Variants in RTEL1 observed in about 807,000 individuals in gnomAD.
RTEL1 encodes regulator of telomere elongation helicase 1.
RTEL1 carries 86 observed loss-of-function variants against 162.2 expected under a neutral mutation model. The observed-to-expected ratio is 0.53, with a 90% confidence interval of 0.45 to 0.63. The LOEUF (loss-of-function observed/expected upper bound fraction) is 0.63, where lower values mean the gene tolerates loss of function less well. Among genes scored for constraint, RTEL1 ranks in the 30% least tolerant of loss-of-function variants. The probability of loss-of-function intolerance (pLI) is 0.00; values close to 1 mark genes in which losing one functional copy is unlikely to be tolerated. For missense variants in RTEL1, 1,941 were observed against 1,750.2 expected (o/e 1.11, Z -1.95); for synonymous variants, 958 against 717.9 (o/e 1.33, Z -5.35).
chr20:63,661,883 C>T lies in RTEL1; in HGVS notation c.335C>T (p.Ala112Val). 1.2e-6 allele frequency: 2 copies of T among 1,614,064 alleles called. No homozygotes were observed. The highest frequency in any genetic ancestry group is 8.5e-7 in the Non-Finnish European group (1 of 1,180,002). ...CYTDIPKIIY[A>V]SRTHSQLTQV... The stretch of plus-strand genomic sequence containing the variant: ...ACGGACATCCCAAAGATTATTTACG[C>T]CTCCAGGACCCACTCGCAACTCACA... The change falls in exon 4 of 35, where the codon GCC (alanine) becomes GTC (valine). Residue 112 changes from alanine to valine, a missense_variant. Transcript: ENST00000360203. This position sits in a 1 kb window ranked among gnomAD's most constrained non-coding sequence, Gnocchi z 5.1.
intron 31 of RTEL1, 42 bp downstream of exon 31, chr20:63,694,530 G>C: frequency 6.8e-7 from 1 of 1,477,534 alleles, no homozygotes; most frequent in South Asian, 1.2e-5. Flanking sequence ...GACTTGGTGG[G>C]TCCCTCAGTG....
intron 26 of RTEL1, 117 bp downstream of exon 26, chr20:63,690,558 C>G (rs2090712765): frequency 7.6e-7 from 1 of 1,314,112 alleles, no homozygotes; most frequent in East Asian, 2.5e-5. Flanking sequence ...CGCTTCCCCT[C>G]CCACCTCCAA....
chr20:63,686,394 CTG>C (rs1452028979), intron 16 of RTEL1: 4 of 168,328 alleles, frequency 2.4e-5, no homozygotes, highest in South Asian at 2.9e-4. Flanking sequence ...TGGATGGGGT[CTG>C]TGAGTGTGCC....
rs145902382 is a variant in RTEL1 at position 63,666,011 on chromosome 20, C to T, written c.546C>T (p.Ser182=). 2.0e-5 allele frequency: 32 copies of T among 1,613,904 alleles called. No individual in the cohort carries two copies. The highest frequency in any genetic ancestry group is 2.7e-5 in the Non-Finnish European group (32 of 1,179,948). The change falls in exon 7 of 35, where the codon AGC becomes AGT. Residue 182 remains serine (S), a synonymous_variant. Coordinates refer to ENST00000360203, the MANE Select transcript of RTEL1 (RefSeq NM_001283009.2). Reference sequence around the variant, plus strand: ...CCTGCCTCACACCTGCAGAAAAAAGCCTGGAGCAGGAGCTGGCCAGCCCCA... The same window carrying T: ...CCTGCCTCACACCTGCAGAAAAAAGTCTGGAGCAGGAGCTGGCCAGCCCCA... ...CHFYNNVEEK[S]LEQELASPIL...
chr20:63,659,618 G>A (rs1432611131), intron 2 of RTEL1, 114 bp downstream of exon 2: 3 of 788,672 alleles, frequency 3.8e-6, no homozygotes, highest in Non-Finnish European at 6.6e-6. Flanking sequence ...CAGAGGCAGC[G>A]TCTGTCATAA....
At chr20:63,667,048 C>T (rs991294385) in intron 7 of RTEL1, among the ~76,000 whole-genome samples, 3 of 149,958 alleles carry the variant, frequency 2.0e-5, no homozygotes, top group East Asian at 2.0e-4. Context: ...ACCGTGTTAG[C>T]CAGGATGGTC....
Position 63,694,672 on chromosome 20 carries a change from C to T in RTEL1, c.3110-69C>T, listed in dbSNP as rs140513230. ...TCTCCAGGAGTTCCTGGAGGAAGGG[C>T]GGGCAGGGCGGTGGGACTCTCAGTC... On this transcript the variant is annotated intron_variant, in intron 31 of 34. Transcript: ENST00000360203. The T allele has an allele frequency of 1.0e-3, 1,405 of 1,377,634 alleles. 6 individuals carry two copies. The highest frequency in any genetic ancestry group is 5.5e-3 in the South Asian group (414 of 75,178). The allele number at this position is 1,377,634 out of a possible 1,614,324, so 85.3% of individuals were successfully genotyped here. A position where few individuals can be genotyped will look rare whatever the true frequency, so the allele number is the denominator to read the frequency against.
At chr20:63,686,222 C>T (rs904827381) in intron 16 of RTEL1, 9 of 350,030 alleles carry the variant, frequency 2.6e-5, no homozygotes, top group Middle Eastern at 8.7e-4. Context: ...GCTGCCTCCA[C>T]GCAGCGCCTG....
At position 63,690,117 on chromosome 20, in the gene RTEL1, G is replaced by A. The variant is rs747160558; in HGVS notation, c.2172G>A (p.Leu724=). The A allele has an allele frequency of 1.4e-5, 22 of 1,612,068 alleles. No homozygotes were observed. The highest frequency in any genetic ancestry group is 2.2e-5 in the East Asian group (1 of 44,888). ...CCTTTGCCGACGCAAGAGCCCAACT[G>A]CCCTCCTGGGTGCGTCCCCACGTCA... ...RFAFADARAQ[L]PSWVRPHVRV... is the part of the protein sequence containing the mutation. The change falls in exon 25 of 35, where the codon CTG becomes CTA. Residue 724 remains leucine (L), a synonymous_variant. Transcript: ENST00000360203.
chr20:63,679,693 TC>T (rs1262377142), intron 12 of RTEL1, among the ~76,000 whole-genome samples, 155 bp from the exon 13 acceptor site: 1 of 151,792 alleles, frequency 6.6e-6, no homozygotes, highest in African/African-American at 2.4e-5. Flanking sequence ...CAGCCTGATT[TC>T]CCCCTCCAGG....
At chr20:63,681,193 C>T in intron 14 of RTEL1, 1 of 985,454 alleles carries the variant, frequency 1.0e-6, no homozygotes, top group South Asian at 4.7e-5. Flanking sequence ...TGGCCCCCTT[C>T]TCATTGGCCC....
Position 63,678,361 on chromosome 20 carries a change from G to A in RTEL1, c.1037+15G>A, listed in dbSNP as rs1237355281. ...AAGCCAGGGAGGTGAGAGGCGGGGA[G>A]CCAGCCCCTTCACTGCAGGCCCAGC... On this transcript the variant is annotated intron_variant, in intron 12 of 34. Transcript: ENST00000360203. 1 of 1,602,578 alleles carries A rather than the reference G, an allele frequency of 6.2e-7. No homozygotes were observed. Among genetic ancestry groups the A allele is most frequent in the African/African-American group, 1.3e-5 (1 of 74,770 alleles).
chr20:63,660,794 A>G, intron 2 of RTEL1: 1 of 159,460 alleles, frequency 6.3e-6, no homozygotes, highest in Non-Finnish European at 1.4e-5. Flanking sequence ...CCTCACTTGG[A>G]AGGTCTTTGA....
At chr20:63,692,687 GCCCCACCTCGGCAGTCA>G in intron 28 of RTEL1, 101 bp from the exon 29 acceptor site, 1 of 990,082 alleles carries the variant, frequency 1.0e-6, no homozygotes, top group South Asian at 1.5e-5. Context: ...TCAGGCAGCA[GCCCCACCTCGGCAGTCA>G]CTGTCCCAGG....
intron 14 of RTEL1, among the ~76,000 whole-genome samples, chr20:63,685,248 T>G (rs1265470115): frequency 6.6e-6 from 1 of 152,126 alleles, no homozygotes; most frequent in Admixed American, 6.5e-5. Flanking sequence ...GCTGGGCCAG[T>G]TGGCGGGAGG....
chr20:63,695,302 C>A (rs202008277), intron 33 of RTEL1, 26 bp from the exon 34 acceptor site: 3 of 1,581,148 alleles, frequency 1.9e-6, no homozygotes, highest in African/African-American at 1.3e-5. Flanking sequence ...CCCAGGCCCC[C>A]CTCAGACTCA....
chr20:63,676,269 C>A (rs555511594), intron 10 of RTEL1, among the ~76,000 whole-genome samples: 1 of 152,052 alleles, frequency 6.6e-6, no homozygotes, highest in Non-Finnish European at 1.5e-5. Context: ...CTTTTCCTCA[C>A]ACTTTATTTA....
chr20:63,662,795 G>C (rs758374678), intron 5 of RTEL1, 34 bp from the exon 6 acceptor site: 7 of 1,612,890 alleles, frequency 4.3e-6, no homozygotes, highest in Non-Finnish European at 5.9e-6. Context: ...TCTTGGCCGT[G>C]CTTCAGCTGC....
At chr20:63,678,868 C>G (rs2090425997) in intron 12 of RTEL1, among the ~76,000 whole-genome samples, 2 of 139,554 alleles carry the variant, frequency 1.4e-5, no homozygotes, top group African/African-American at 6.4e-5. Context: ...AGCAGACTCT[C>G]CCACGGAACA....
Sources: gnomAD v4.1 joint callset for allele counts (sites outside exome capture counted in the v4.1 genomes callset) on GRCh38, gnomAD v4.1.1 for gene constraint, Gnocchi (gnomAD v3.1) non-coding constraint, MANE v1.5 for transcripts, NCBI Gene and HGNC (gene_info 2026-07-23, HGNC 2026-07-21) for gene names.